Variants in PIK3C3 observed in about 807,000 individuals in gnomAD.
PIK3C3 encodes the protein phosphatidylinositol 3-kinase catalytic subunit type 3.
In PIK3C3, 95 loss-of-function variants were observed where a neutral mutation model predicts 126.1. The observed-to-expected ratio is 0.75, with a 90% confidence interval of 0.64 to 0.89. The LOEUF (loss-of-function observed/expected upper bound fraction) is 0.89, where lower values mean the gene tolerates loss of function less well. Among genes scored for constraint, PIK3C3 ranks in the 40% least tolerant of loss-of-function variants. The pLI is 0.00. For missense variants in PIK3C3, 829 were observed against 1,063.2 expected (o/e 0.78, Z 3.06); for synonymous variants, 374 against 360.0 (o/e 1.04, Z -0.44).
At chr18:42,034,501 T>C (rs1983960131) in intron 16 of PIK3C3, among the ~76,000 whole-genome samples, 1 of 143,254 alleles carries the variant, frequency 7.0e-6, no homozygotes. Context: ...AGTTGACCTT[T>C]TTAACATTTC....
intron 15 of PIK3C3, among the ~76,000 whole-genome samples, chr18:42,033,409 G>T (rs1983914278): frequency 6.6e-6 from 1 of 152,112 alleles, no homozygotes; most frequent in South Asian, 2.1e-4. Context: ...ATGCACTGGG[G>T]CAGCATAGTG....
At position 42,081,939 on chromosome 18, in the gene PIK3C3, A is replaced by T. The variant is rs374649859; in HGVS notation, c.*802A>T. Reference sequence around the variant, plus strand: ...TTCTGCAATAAATTTTTTGGATGCAAATTTAGATTTCAAAAGCTTTTTGAT... The same window carrying T: ...TTCTGCAATAAATTTTTTGGATGCATATTTAGATTTCAAAAGCTTTTTGAT... On this transcript the variant is annotated 3_prime_UTR_variant, in exon 25 of 25. Coordinates refer to ENST00000262039, the MANE Select transcript of PIK3C3 (RefSeq NM_002647.4). 6.6e-6 allele frequency: 1 copy of T among 152,160 alleles called. No individual in the cohort carries two copies. Among genetic ancestry groups the T allele is most frequent in the East Asian group, 1.9e-4 (1 of 5,200 alleles). The allele number at this position is 152,160 out of a possible 1,614,324, so 9.4% of individuals were successfully genotyped here.
chr18:42,033,859 G>T lies in PIK3C3; in HGVS notation c.1741G>T (p.Glu581Ter). 6.2e-7 allele frequency: 1 copy of T among 1,605,024 alleles called. No homozygotes were observed. The highest frequency in any genetic ancestry group is 1.1e-5 in the South Asian group (1 of 89,778). Reference protein sequence around the residue: ...ERLQALLGDNEKMNLSDVELI... With the variant: ...ERLQALLGDN The stretch of plus-strand genomic sequence containing the variant: ...ACTACAGGCATTGCTTGGAGATAAT[G>T]AAAAGATGAATTTGTCAGATGTGGA... Residue 581 changes from glutamate (E) to a stop codon, truncating the protein, a stop_gained, in exon 16 of 25, where the codon GAA (glutamate) becomes TAA (stop). Transcript: ENST00000262039. LOFTEE classifies it high-confidence loss of function.
chr18:42,020,404 A>G (rs145304590), intron 12 of PIK3C3, among the ~76,000 whole-genome samples: 248 of 152,226 alleles, frequency 1.6e-3, no homozygotes, highest in African/African-American at 5.4e-3. Flanking sequence ...TCCTCTACCA[A>G]TATGAAGCTC....
intron 4 of PIK3C3, among the ~76,000 whole-genome samples, chr18:41,985,705 C>T (rs965373402): frequency 8.5e-5 from 13 of 152,154 alleles, no homozygotes; most frequent in African/African-American, 3.1e-4. Context: ...TTCATAGTGA[C>T]TGTACCAGTT....
intron 10 of PIK3C3, among the ~76,000 whole-genome samples, chr18:42,007,805 A>G (rs1982623337): frequency 6.6e-6 from 1 of 152,182 alleles, no homozygotes; most frequent in African/African-American, 2.4e-5. Context: ...TCATTGCATT[A>G]GCTAAAAGCT....
At chr18:41,991,476 T>C (rs1981774571) in intron 6 of PIK3C3, among the ~76,000 whole-genome samples, 1 of 152,210 alleles carries the variant, frequency 6.6e-6, no homozygotes, top group South Asian at 2.1e-4. Flanking sequence ...AGACTTTTGA[T>C]ACATGGCATA....
At chr18:41,957,091 C>T (rs775768507) in intron 1 of PIK3C3, among the ~76,000 whole-genome samples, 15 of 152,100 alleles carry the variant, frequency 9.9e-5, no homozygotes, top group Admixed American at 5.9e-4. Context: ...TTTTTTTCCC[C>T]AGAAGCAATG....
intron 14 of PIK3C3, among the ~76,000 whole-genome samples, chr18:42,028,449 A>T (rs1983671948): frequency 6.6e-6 from 1 of 152,238 alleles, no homozygotes; most frequent in South Asian, 2.1e-4. Flanking sequence ...CAGCGAAAAG[A>T]AAGCTACCAC....
intron 4 of PIK3C3, among the ~76,000 whole-genome samples, chr18:41,972,810 C>T (rs1980734397): frequency 6.6e-6 from 1 of 152,076 alleles, no homozygotes; most frequent in Non-Finnish European, 1.5e-5. Context: ...ATATTCCCCT[C>T]TTCTTGATAT....
chr18:42,021,979 T>C (rs1388471117), intron 13 of PIK3C3, among the ~76,000 whole-genome samples: 1 of 152,150 alleles, frequency 6.6e-6, no homozygotes, highest in Non-Finnish European at 1.5e-5. Flanking sequence ...TGTGAGAAAA[T>C]TATACAAAAT....
chr18:41,960,401 A>G (rs1340625171), intron 2 of PIK3C3, among the ~76,000 whole-genome samples: 1 of 151,582 alleles, frequency 6.6e-6, no homozygotes, highest in East Asian at 1.9e-4. Context: ...CTTTAGAGAG[A>G]CATATAATAC....
intron 9 of PIK3C3, among the ~76,000 whole-genome samples, chr18:42,003,796 G>C (rs950519328): frequency 2.6e-5 from 4 of 152,104 alleles, no homozygotes; most frequent in Non-Finnish European, 4.4e-5. Flanking sequence ...GGTTTTGTTG[G>C]ATTGCCTATC....
At chr18:41,968,607 T>C (rs1598852198) in intron 3 of PIK3C3, among the ~76,000 whole-genome samples, 2 of 152,216 alleles carry the variant, frequency 1.3e-5, no homozygotes, top group East Asian at 1.9e-4. Context: ...TTTGATCTTA[T>C]TGTGCTCATG....
intron 11 of PIK3C3, 58 bp from the exon 12 acceptor site, chr18:42,015,416 TGC>T (rs778162793): frequency 8.7e-6 from 11 of 1,261,046 alleles, no homozygotes; most frequent in Non-Finnish European, 1.3e-5. Context: ...TAAAAAATTG[TGC>T]GTTCTCTTAT....
chr18:42,074,649 A>G (rs932362614), intron 24 of PIK3C3, among the ~76,000 whole-genome samples: 4 of 152,176 alleles, frequency 2.6e-5, no homozygotes, highest in Non-Finnish European at 2.9e-5. Context: ...TATGTTAAAT[A>G]TAAGTACAGA....
chr18:42,023,780 T>A, intron 13 of PIK3C3, among the ~76,000 whole-genome samples: 1 of 152,366 alleles, frequency 6.6e-6, no homozygotes, highest in South Asian at 2.1e-4. Flanking sequence ...AATGCTTCTC[T>A]AAGCCTACTC....
intron 10 of PIK3C3, among the ~76,000 whole-genome samples, chr18:42,006,062 A>G (rs570190171): frequency 2.0e-5 from 3 of 151,278 alleles, no homozygotes; most frequent in South Asian, 4.2e-4. Context: ...ATTACTTACT[A>G]TTGATTTATT....
At chr18:41,978,075 C>T (rs535724795) in intron 4 of PIK3C3, among the ~76,000 whole-genome samples, 1 of 152,290 alleles carries the variant, frequency 6.6e-6, no homozygotes, top group South Asian at 2.1e-4. Flanking sequence ...GATCCTCCCA[C>T]ATCCTCTGGA....
Sources: allele counts gnomAD v4.1 joint callset (sites outside exome capture counted in the v4.1 genomes callset), GRCh38; gene constraint gnomAD v4.1.1; transcripts MANE v1.5; gene names NCBI Gene and HGNC (gene_info 2026-07-23, HGNC 2026-07-21).